Variants in NHS observed in about 807,000 individuals in gnomAD.
NHS encodes NHS actin remodeling regulator.
NHS carries 5 observed loss-of-function variants against 72.5 expected under a neutral mutation model. That is an observed-to-expected ratio of 0.07 (90% CI 0.04 to 0.14). The LOEUF is 0.14. Among genes scored for constraint, NHS ranks in the 10% least tolerant of loss-of-function variants. NHS has a pLI of 1.00. For missense variants in NHS, 1,072 were observed against 1,355.7 expected, an observed-to-expected ratio of 0.79 and a Z score of 3.29; for synonymous variants, 464 against 547.7, an observed-to-expected ratio of 0.85 and a Z score of 2.13.
chrX:17,615,451 C>A (rs2065740783), intron 1 of NHS, among the ~76,000 whole-genome samples: 2 of 105,372 alleles, frequency 1.9e-5, no homozygotes, highest in Non-Finnish European at 3.9e-5. Flanking sequence ...GAGGTTCCTC[C>A]ATATTGTCCA....
chrX:17,608,641 T>TA (rs1376741373), intron 1 of NHS, among the ~76,000 whole-genome samples: 1 of 111,298 alleles, frequency 9.0e-6, no homozygotes, highest in Non-Finnish European at 1.9e-5. Flanking sequence ...TTTGTGTGGC[T>TA]ATACTATGAC....
chrX:17,519,932 A>G (rs1239360361), intron 1 of NHS, among the ~76,000 whole-genome samples: 3 of 110,533 alleles, frequency 2.7e-5, no homozygotes, highest in Non-Finnish European at 3.8e-5. Context: ...AATTCCCAAC[A>G]TAAGGCATTT....
At chrX:17,686,209 G>A (rs1364218153) in intron 1 of NHS, among the ~76,000 whole-genome samples, 2 of 112,394 alleles carry the variant, frequency 1.8e-5, no homozygotes, top group Non-Finnish European at 3.8e-5. Flanking sequence ...CAAAGTCTAG[G>A]TTGATGCCCA....
intron 1 of NHS, among the ~76,000 whole-genome samples, chrX:17,425,642 A>G (rs1244061031): frequency 2.8e-5 from 3 of 106,256 alleles, no homozygotes; most frequent in Non-Finnish European, 5.8e-5. Flanking sequence ...GCTTACATGA[A>G]CAGAGGAGGC....
chrX:17,559,293 C>T lies in NHS; in HGVS notation c.566-128449C>T, dbSNP rs1050380315. Reference sequence around the variant, plus strand: ...GAGGCCTGCCTGCCACTAGGATACACACCATCCCCACTGGTTGATTTACTG... The same window carrying T: ...GAGGCCTGCCTGCCACTAGGATACATACCATCCCCACTGGTTGATTTACTG... On this transcript the variant is annotated intron_variant, in intron 1 of 8. Transcript: ENST00000676302. Among the ~76,000 whole-genome samples the T allele has an allele frequency of 2.7e-5, 3 of 111,958 alleles. No individual in the cohort carries two copies. In the East Asian group the frequency reaches 8.4e-4, roughly 31 times the overall value.
intron 1 of NHS, among the ~76,000 whole-genome samples, chrX:17,659,483 T>C (rs1025983654): frequency 1.8e-5 from 2 of 111,959 alleles, no homozygotes; most frequent in Non-Finnish European, 1.9e-5. Context: ...TATAGATAAC[T>C]TTCCCCATAT....
chrX:17,434,382 A>G (rs942729742), intron 1 of NHS, among the ~76,000 whole-genome samples: 31 of 110,869 alleles, frequency 2.8e-4, no homozygotes, highest in African/African-American at 1.0e-3. Context: ...ATTGCTACCA[A>G]TGTGTCCTGG....
intron 1 of NHS, among the ~76,000 whole-genome samples, chrX:17,634,796 C>T (rs1297766971): frequency 8.9e-6 from 1 of 112,033 alleles, no homozygotes; most frequent in African/African-American, 3.3e-5. Context: ...ATCGCCTCCA[C>T]CTGCACCATT....
intron 1 of NHS, among the ~76,000 whole-genome samples, chrX:17,630,699 C>T (rs2065819909): frequency 9.0e-6 from 1 of 111,697 alleles, no homozygotes; most frequent in Non-Finnish European, 1.9e-5. Flanking sequence ...CCTTCATGCC[C>T]CTTCTACTAA....
intron 1 of NHS, among the ~76,000 whole-genome samples, chrX:17,450,441 G>T (rs2064800571): frequency 8.9e-6 from 1 of 111,987 alleles, no homozygotes; most frequent in Non-Finnish European, 1.9e-5. Context: ...TGGTATTGCT[G>T]TTGCTCAATA....
At chrX:17,491,000 G>A (rs2064988530) in intron 1 of NHS, among the ~76,000 whole-genome samples, 1 of 112,089 alleles carries the variant, frequency 8.9e-6, no homozygotes, top group South Asian at 3.7e-4. Context: ...TGCTGAAGTT[G>A]CTTATCTACT....
rs754533244 is a variant in NHS, at chrX:17,727,215, C to A, written c.3109C>A (p.Pro1037Thr). 3.9e-5 allele frequency: 47 copies of A among 1,210,330 alleles called. No homozygotes were observed. Among genetic ancestry groups the A allele is most frequent in the Non-Finnish European group, 5.1e-5 (46 of 895,275 alleles). The change falls in exon 7 of 9, where the codon CCT (proline) becomes ACT (threonine). Residue 1037 changes from proline (P) to threonine (T), a missense_variant. Physicochemically the swap from Pro to Thr is conservative, Grantham distance 38 (BLOSUM62 -1). Transcript: ENST00000676302. ...SQSETPTSSF[P>T]TAFFSGPLSP... is the part of the protein sequence containing the mutation. The stretch of plus-strand genomic sequence containing the variant: ...GTCTGAAACGCCAACATCCTCTTTC[C>A]CTACAGCTTTCTTTTCAGGTCCATT...
chrX:17,638,465 T>G (rs1032074988), intron 1 of NHS, among the ~76,000 whole-genome samples: 1 of 112,281 alleles, frequency 8.9e-6, no homozygotes. Flanking sequence ...GAGTATAGCT[T>G]TGGTAATTTC....
At chrX:17,383,018 G>A (rs1601681756) in intron 1 of NHS, among the ~76,000 whole-genome samples, 1 of 112,053 alleles carries the variant, frequency 8.9e-6, no homozygotes, top group East Asian at 2.8e-4. Flanking sequence ...GAACTCTGCA[G>A]CATTTTCTCC....
chrX:17,635,707 T>G, intron 1 of NHS: 1 of 821,082 alleles, frequency 1.2e-6, no homozygotes, highest in East Asian at 3.5e-5. Flanking sequence ...GGAGAGAAGA[T>G]AACTATGTTT....
chrX:17,497,771 A>G (rs1417850765), intron 1 of NHS, among the ~76,000 whole-genome samples: 3 of 112,275 alleles, frequency 2.7e-5, no homozygotes, highest in African/African-American at 6.5e-5. Flanking sequence ...GGTGTACTGT[A>G]TTCATCTTTA....
chrX:17,651,886 G>T (rs1284458875), intron 1 of NHS, among the ~76,000 whole-genome samples: 1 of 112,825 alleles, frequency 8.9e-6, no homozygotes, highest in East Asian at 2.8e-4. Flanking sequence ...AAAATTACCT[G>T]TGTAGACTTT....
At chrX:17,402,965 C>G (rs1273567030) in intron 1 of NHS, among the ~76,000 whole-genome samples, 1 of 112,146 alleles carries the variant, frequency 8.9e-6, no homozygotes, top group Non-Finnish European at 1.9e-5. Flanking sequence ...CTTTCAGTGG[C>G]TGAACACAAG....
chrX:17,534,772 C>A (rs1347150318), intron 1 of NHS, among the ~76,000 whole-genome samples: 1 of 112,505 alleles, frequency 8.9e-6, no homozygotes, highest in Non-Finnish European at 1.9e-5. Flanking sequence ...TTTGTCCTTG[C>A]TTTTCTAGCA....
Sources: allele counts gnomAD v4.1 joint callset (sites outside exome capture counted in the v4.1 genomes callset), GRCh38; gene constraint gnomAD v4.1.1; transcripts MANE v1.5; gene names NCBI Gene and HGNC (gene_info 2026-07-23, HGNC 2026-07-21).